Variants in SLC15A1 observed in about 807,000 individuals in gnomAD.
The protein encoded by SLC15A1 is Caco-2 oligopeptide transporter.
Under a neutral mutation model 92.9 loss-of-function variants are expected in SLC15A1, and 83 were observed. The ratio of observed to expected loss-of-function variants is 0.89; its 90% CI spans 0.75 to 1.07. The LOEUF (loss-of-function observed/expected upper bound fraction) is 1.07, where lower values mean the gene tolerates loss of function less well. SLC15A1 is among the 50% of genes least tolerant of loss of function. SLC15A1 has a pLI of 0.00. For synonymous variants in SLC15A1, 322 were observed against 318.2 expected, an observed-to-expected ratio of 1.01 and a Z score of -0.13; for missense variants, 857 against 880.1, an observed-to-expected ratio of 0.97 and a Z score of 0.33.
At chr13:98,748,594 T>C (rs779581502) in intron 1 of SLC15A1, among the ~76,000 whole-genome samples, 10 of 152,198 alleles carry the variant, frequency 6.6e-5, no homozygotes, top group Non-Finnish European at 1.3e-4. Context: ...AGTGCCCAGC[T>C]ATCCCTACGT....
intron 1 of SLC15A1, among the ~76,000 whole-genome samples, chr13:98,750,278 A>C (rs973919031): frequency 7.9e-5 from 12 of 151,982 alleles, no homozygotes; most frequent in Admixed American, 2.6e-4. Flanking sequence ...ATGCCCAGCT[A>C]ATTTTTGTAT....
chr13:98,698,401 C>T (rs1047800140), intron 18 of SLC15A1, among the ~76,000 whole-genome samples: 10 of 152,112 alleles, frequency 6.6e-5, no homozygotes, highest in Non-Finnish European at 1.3e-4. Context: ...AAGTCCATTT[C>T]ACCACCATTT....
chr13:98,702,800 T>C (rs2088078894), intron 17 of SLC15A1, among the ~76,000 whole-genome samples: 1 of 151,534 alleles, frequency 6.6e-6, no homozygotes, highest in Non-Finnish European at 1.5e-5. Flanking sequence ...TCTTAGAAAT[T>C]AGCCAGGTGT....
In SLC15A1 at chr13:98,686,275, A is replaced by G. The variant is rs1243900932; in HGVS notation, c.1850T>C (p.Val617Ala). 6.2e-7 allele frequency: 1 copy of G among 1,612,288 alleles called. No individual in the cohort carries two copies. The highest frequency in any genetic ancestry group is 8.5e-7 in the Non-Finnish European group (1 of 1,179,304). The change falls in exon 22 of 23, where the codon GTG becomes GCG. Residue 617 changes from valine (V) to alanine (A), a missense_variant. Physicochemically the swap from Val to Ala is moderately conservative, Grantham distance 64. Transcript: ENST00000376503. ...GGTCAGCAGCCATCCTGCCTGAAGC[A>G]CCGACTTCATGTTGGAAGGAGCCTG... is the stretch of plus-strand genomic sequence containing the variant. Reference protein sequence around the residue: ...YSQAPSNMKSVLQAGWLLTVA... With the variant: ...YSQAPSNMKSALQAGWLLTVA...
intron 1 of SLC15A1, among the ~76,000 whole-genome samples, chr13:98,751,804 A>G (rs1294288103): frequency 6.6e-6 from 1 of 152,170 alleles, no homozygotes; most frequent in African/African-American, 2.4e-5. Flanking sequence ...ATCCCCCTCA[A>G]CAACGTGGCC....
In SLC15A1 at chr13:98,726,999, G is replaced by A. The variant is rs2139596769; in HGVS notation, c.5-140C>T. The A allele has an allele frequency of 5.4e-6, 4 of 739,016 alleles. No homozygotes were observed. The East Asian group carries it at 9.9e-5, about 18-fold the overall frequency. The allele number at this position is 739,016 out of a possible 1,614,324, so 45.8% of individuals were successfully genotyped here. On this transcript the variant is annotated intron_variant, in intron 1 of 22. Transcript: ENST00000376503. ...AGCTCCAGCCCTCCCTGGGATCCCG[G>A]CCCCAGACTCATGCTTCTTATCTGA...
At chr13:98,698,912 G>A (rs2088044676) in intron 18 of SLC15A1, among the ~76,000 whole-genome samples, 1 of 152,178 alleles carries the variant, frequency 6.6e-6, no homozygotes, top group Non-Finnish European at 1.5e-5. Flanking sequence ...GACTGGGGTT[G>A]AACGTTGAGG....
intron 1 of SLC15A1, among the ~76,000 whole-genome samples, chr13:98,740,115 A>T (rs905761132): frequency 1.3e-5 from 2 of 152,230 alleles, no homozygotes; most frequent in African/African-American, 4.8e-5. Context: ...AGCCATCATG[A>T]CAAGCCTTAT....
intron 1 of SLC15A1, among the ~76,000 whole-genome samples, chr13:98,737,043 C>G (rs1025829047): frequency 3.9e-5 from 6 of 152,128 alleles, no homozygotes; most frequent in African/African-American, 1.4e-4. Context: ...CACATGCACA[C>G]GTATGTTTAT....
intron 1 of SLC15A1, among the ~76,000 whole-genome samples, chr13:98,728,348 A>G (rs555430614): frequency 3.4e-4 from 52 of 152,224 alleles, no homozygotes; most frequent in Non-Finnish European, 6.3e-4. Flanking sequence ...GTTGTTGTAT[A>G]TGAATTTTAG....
intron 18 of SLC15A1, among the ~76,000 whole-genome samples, chr13:98,688,986 C>G (rs2087954675): frequency 6.6e-6 from 1 of 152,186 alleles, no homozygotes; most frequent in Admixed American, 6.5e-5. Context: ...GTCACCCAGG[C>G]TGGAGTGCAG....
rs8187833 is a variant in SLC15A1 at position 98,708,778 on chromosome 13, A to G, written c.1068-11T>C. Reference sequence around the variant, plus strand: ...ATCTTCTTCAAGGAGCTGATGGCACAAGAGAAGAGTGACTCTCAACCAGTT... The same window carrying G: ...ATCTTCTTCAAGGAGCTGATGGCACGAGAGAAGAGTGACTCTCAACCAGTT... On this transcript the variant is annotated splice_polypyrimidine_tract_variant and intron_variant, in intron 14 of 22. Coordinates refer to ENST00000376503, the MANE Select transcript of SLC15A1 (RefSeq NM_005073.4). 4.4e-6 allele frequency: 7 copies of G among 1,603,996 alleles called. No individual in the cohort carries two copies. Among genetic ancestry groups the G allele is most frequent in the Non-Finnish European group, 6.0e-6 (7 of 1,175,396 alleles).
Position 98,745,575 on chromosome 13 carries a change from T to C in SLC15A1, c.4+7020A>G, listed in dbSNP as rs555557532. Among the ~76,000 whole-genome samples the C allele has an allele frequency of 3.9e-5, 6 of 152,222 alleles. No homozygotes were observed. In the East Asian group the frequency reaches 1.2e-3, roughly 29 times the overall value. Reference sequence around the variant, plus strand: ...AAAAGTGACACAGAGACAGATGGGCTGGCAGAGACGGCAGGGGTGTGTCCG... The same window carrying C: ...AAAAGTGACACAGAGACAGATGGGCCGGCAGAGACGGCAGGGGTGTGTCCG... On this transcript the variant is annotated intron_variant, in intron 1 of 22. Coordinates refer to ENST00000376503, the MANE Select transcript of SLC15A1 (RefSeq NM_005073.4).
Position 98,721,737 on chromosome 13 carries a change from C to T in SLC15A1, c.465+67G>A, listed in dbSNP as rs545337294. The T allele has an allele frequency of 4.8e-4, 709 of 1,463,386 alleles. 10 individuals carry two copies. In the South Asian group the frequency reaches 8.2e-3, roughly 17 times the overall value. 90.7% of individuals were successfully genotyped at this position (1,463,386 alleles called of 1,614,324 possible). The stretch of plus-strand genomic sequence containing the variant: ...AATCCGATGTAGAACAGACTTTGTG[C>T]CCGTGGCCTCTGACTCCTGGATGTG... On this transcript the variant is annotated intron_variant, in intron 6 of 22. Coordinates refer to ENST00000376503, the MANE Select transcript of SLC15A1 (RefSeq NM_005073.4).
At chr13:98,691,568 GGCGTATA>G (rs924570520) in intron 18 of SLC15A1, among the ~76,000 whole-genome samples, 83 of 152,298 alleles carry the variant, frequency 5.4e-4, no homozygotes, top group Middle Eastern at 3.4e-3. Context: ...CACAATACAT[GGCGTATA>G]GCCTGTCTGT....
Position 98,686,283 on chromosome 13 carries a change from C to T in SLC15A1, c.1842G>A (p.Met614Ile), listed in dbSNP as rs538328984. The T allele has an allele frequency of 3.7e-5, 59 of 1,611,116 alleles. No homozygotes were observed. The highest frequency in any genetic ancestry group is 1.6e-4 in the East Asian group (7 of 44,770). The change falls in exon 22 of 23, where the codon ATG becomes ATA. Residue 614 changes from methionine to isoleucine, a missense_variant. By Grantham distance (10) the Met-to-Ile change is conservative. Transcript: ENST00000376503. Reference protein sequence around the residue: ...EFSYSQAPSNMKSVLQAGWLL... With the variant: ...EFSYSQAPSNIKSVLQAGWLL... The stretch of plus-strand genomic sequence containing the variant: ...GCCATCCTGCCTGAAGCACCGACTT[C>T]ATGTTGGAAGGAGCCTGAGGAAGCA...
chr13:98,739,599 C>T (rs1465135947), intron 1 of SLC15A1, among the ~76,000 whole-genome samples: 1 of 152,172 alleles, frequency 6.6e-6, no homozygotes, highest in Non-Finnish European at 1.5e-5. Flanking sequence ...AGCCATGTGA[C>T]ATGCCTGCTC....
intron 16 of SLC15A1, 113 bp from the exon 17 acceptor site, chr13:98,704,548 G>C (rs969225049): frequency 8.8e-6 from 10 of 1,135,382 alleles, no homozygotes; most frequent in Non-Finnish European, 1.2e-5. Flanking sequence ...CATGTTCATA[G>C]ATACCAAAAA....
chr13:98,729,472 G>A (rs1306360548), intron 1 of SLC15A1, among the ~76,000 whole-genome samples: 6 of 152,176 alleles, frequency 3.9e-5, no homozygotes, highest in Non-Finnish European at 7.3e-5. Context: ...GACTACACTT[G>A]GAGGACCACA....
Sources: gnomAD v4.1 joint callset for allele counts (sites outside exome capture counted in the v4.1 genomes callset) on GRCh38, gnomAD v4.1.1 for gene constraint, MANE v1.5 for transcripts, NCBI Gene and HGNC (gene_info 2026-07-23, HGNC 2026-07-21) for gene names.